Variants in EPB41 observed in about 807,000 individuals in gnomAD.
The protein encoded by EPB41 is erythrocyte membrane protein band 4.1.
A neutral mutation model predicts 108.0 loss-of-function variants in EPB41; 65 were observed. The observed-to-expected ratio is 0.60, with a 90% CI of 0.49 to 0.74. The LOEUF is 0.74. Ranked by LOEUF, EPB41 falls within the 30% of genes least tolerant of loss-of-function variation. EPB41 has a pLI of 0.00. For synonymous variants in EPB41, 336 were observed against 358.9 expected (o/e 0.94, Z 0.72); for missense variants, 875 against 1,037.0 (o/e 0.84, Z 2.15).
chr1:28,925,809 A>G (rs2093413303), intron 1 of EPB41, among the ~76,000 whole-genome samples: 1 of 152,164 alleles, frequency 6.6e-6, no homozygotes, highest in Non-Finnish European at 1.5e-5. Context: ...GCCTGTGTTA[A>G]TGACTTCGCA....
chr1:29,035,749 C>T (rs1639203364), intron 9 of EPB41, 77 bp from the exon 10 acceptor site: 1 of 1,068,366 alleles, frequency 9.4e-7, no homozygotes. Context: ...CCATATTTCT[C>T]TGGTACTGTA....
chr1:29,044,137 A>T (rs1642465065), intron 11 of EPB41, among the ~76,000 whole-genome samples: 1 of 152,160 alleles, frequency 6.6e-6, no homozygotes, highest in African/African-American at 2.4e-5. Flanking sequence ...CCAGTAAATC[A>T]CCTTACTTCT....
chr1:28,969,424 G>T (rs1227296761), intron 1 of EPB41, among the ~76,000 whole-genome samples: 1 of 151,114 alleles, frequency 6.6e-6, no homozygotes, highest in Non-Finnish European at 1.5e-5. Flanking sequence ...GAATTTATTT[G>T]TAGTAAGCTT....
In EPB41 at chr1:29,036,902, G is replaced by A. The variant is rs1008349902; in HGVS notation, c.1463+979G>A. 5.2e-4 allele frequency among the ~76,000 whole-genome samples: 79 copies of A among 151,228 alleles called. 1 individual carries two copies. Among genetic ancestry groups the A allele is most frequent in the Admixed American group, 6.6e-4 (10 of 15,130 alleles). ...TCACTGTGTTAGCCAGGATGATCTC[G>A]ATCTCCTGACCTCATGATCTGCCCA... On this transcript the variant is annotated intron_variant, in intron 10 of 20. Coordinates refer to ENST00000343067, the MANE Select transcript of EPB41 (RefSeq NM_001376013.1).
chr1:28,915,178 C>T (rs937523257), intron 1 of EPB41, among the ~76,000 whole-genome samples: 3 of 152,182 alleles, frequency 2.0e-5, no homozygotes, highest in Non-Finnish European at 2.9e-5. Context: ...CGATTTCTTC[C>T]TGGCGAGGGA....
At chr1:28,897,668 G>A (rs1321461391) in intron 1 of EPB41, among the ~76,000 whole-genome samples, 1 of 141,380 alleles carries the variant, frequency 7.1e-6, no homozygotes, top group African/African-American at 2.8e-5. Context: ...GGGACAGGAG[G>A]GAAGGGAAGA....
In EPB41 at chr1:29,106,564, A is replaced by ATTTTTTTTTTTTTTTTTTTTTTT; in HGVS notation, c.2314-2767_2314-2745dup. Reference sequence around the variant, plus strand: ...CCTCTCAGCCTCCCGAGTAGCTGGGATTTTTTTTTTTTTTTTTTTTTTTTT... The same window carrying ATTTTTTTTTTTTTTTTTTTTTTT: ...CCTCTCAGCCTCCCGAGTAGCTGGGATTTTTTTTTTTTTTTTTTTTTTTTTTTTTTTTTTTTTTTTTTTTTTTT... On this transcript the variant is annotated intron_variant, in intron 17 of 20. Coordinates refer to ENST00000343067, the MANE Select transcript of EPB41 (RefSeq NM_001376013.1). Among the ~76,000 whole-genome samples the ATTTTTTTTTTTTTTTTTTTTTTT allele has an allele frequency of 3.9e-5, 2 of 50,882 alleles. 1 individual carries two copies. The highest frequency in any genetic ancestry group is 6.6e-5 in the Non-Finnish European group (2 of 30,500). 33.4% of individuals were successfully genotyped at this position (50,882 alleles called of 152,430 possible).
In EPB41 at chr1:28,936,556, C is replaced by T. The variant is rs987894607; in HGVS notation, c.-8+21788C>T. On this transcript the variant is annotated intron_variant, in intron 1 of 20. Transcript: ENST00000343067. ...CCCTTACATGTTAGCAGTTACATTT[C>T]CCCATCCCCCCAGACTCTGGCAATC... 3.3e-5 allele frequency among the ~76,000 whole-genome samples: 5 copies of T among 152,314 alleles called. No individual in the cohort carries two copies. The East Asian group carries it at 9.6e-4, about 29-fold the overall frequency.
intron 1 of EPB41, among the ~76,000 whole-genome samples, chr1:28,936,431 T>C (rs2148671617): frequency 6.6e-6 from 1 of 152,322 alleles, no homozygotes; most frequent in Middle Eastern, 3.4e-3. Flanking sequence ...ATAATTTACA[T>C]ATAAAATTTA....
At chr1:28,930,748 G>A (rs924785336) in intron 1 of EPB41, among the ~76,000 whole-genome samples, 2 of 152,188 alleles carry the variant, frequency 1.3e-5, no homozygotes, top group African/African-American at 2.4e-5. Context: ...GCCTCCCAAA[G>A]TGCTGAGATT....
chr1:28,994,769 C>A (rs1234570049), intron 3 of EPB41, among the ~76,000 whole-genome samples: 1 of 150,724 alleles, frequency 6.6e-6, no homozygotes, highest in Non-Finnish European at 1.5e-5. Flanking sequence ...GGTGATCCTC[C>A]CACCTCAGCC....
chr1:29,064,125 A>G (rs1384211538), intron 15 of EPB41, among the ~76,000 whole-genome samples: 2 of 152,198 alleles, frequency 1.3e-5, no homozygotes, highest in Admixed American at 6.5e-5. Context: ...ATTATTTTAA[A>G]TTGTCAAGGA....
chr1:29,089,204 TTTCTC>T (rs1422653454), intron 16 of EPB41, among the ~76,000 whole-genome samples: 1 of 152,182 alleles, frequency 6.6e-6, no homozygotes, highest in Non-Finnish European at 1.5e-5. Context: ...AAATATTAGT[TTTCTC>T]TTATTTTACT....
intron 16 of EPB41, chr1:29,069,457 T>C: frequency 8.2e-7 from 1 of 1,219,524 alleles, no homozygotes. Context: ...TATTTATTTG[T>C]TTTGGTGAAC....
intron 12 of EPB41, among the ~76,000 whole-genome samples, chr1:29,056,671 G>T (rs779021628): frequency 1.3e-5 from 2 of 152,028 alleles, no homozygotes; most frequent in African/African-American, 2.4e-5. Context: ...GATTACAGGT[G>T]CCCGCCACCA....
At chr1:29,086,151 T>A (rs934689020) in intron 16 of EPB41, among the ~76,000 whole-genome samples, 1 of 152,054 alleles carries the variant, frequency 6.6e-6, no homozygotes, top group Non-Finnish European at 1.5e-5. Context: ...TCACTTTTTA[T>A]TACCAAAGTA....
intron 16 of EPB41, among the ~76,000 whole-genome samples, chr1:29,092,593 G>A (rs558175265): frequency 6.6e-6 from 1 of 152,124 alleles, no homozygotes; most frequent in Non-Finnish European, 1.5e-5. Flanking sequence ...GCGCAGGTTT[G>A]TTATGTAGGT....
chr1:28,897,928 C>G (rs1464855126), intron 1 of EPB41, among the ~76,000 whole-genome samples: 1 of 148,752 alleles, frequency 6.7e-6, no homozygotes, highest in Admixed American at 6.6e-5. Context: ...CAGAGTGAGC[C>G]CAGGGGAGCA....
intron 2 of EPB41, 99 bp from the exon 3 acceptor site, chr1:28,993,230 GT>G (rs1190214519): frequency 1.0e-6 from 1 of 964,096 alleles, no homozygotes; most frequent in Non-Finnish European, 1.7e-6. Flanking sequence ...ATTTGTTTTA[GT>G]TCATGCTTTT....
Sources: allele counts gnomAD v4.1 joint callset (sites outside exome capture counted in the v4.1 genomes callset), GRCh38; gene constraint gnomAD v4.1.1; transcripts MANE v1.5; gene names NCBI Gene and HGNC (gene_info 2026-07-23, HGNC 2026-07-21).